Variants in FHIT observed in about 807,000 individuals in gnomAD.
FHIT encodes fragile histidine triad diadenosine triphosphatase.
Under a neutral mutation model 17.9 loss-of-function variants are expected in FHIT, and 19 were observed. That is an observed-to-expected ratio of 1.06 (90% CI 0.74 to 1.56). FHIT has a LOEUF of 1.56. Ranked by LOEUF, FHIT falls within the 40% of genes most tolerant of loss-of-function variation. The probability of loss-of-function intolerance (pLI) is 0.00; values close to 1 mark genes in which losing one functional copy is unlikely to be tolerated. For missense variants in FHIT, 248 were observed against 189.2 expected (o/e 1.31, Z -1.82); for synonymous variants, 81 against 69.7 (o/e 1.16, Z -0.81).
intron 2 of FHIT, among the ~76,000 whole-genome samples, chr3:61,153,425 G>A (rs1016242845): frequency 1.3e-5 from 2 of 152,054 alleles, no homozygotes; most frequent in Non-Finnish European, 2.9e-5. Context: ...AGAGTGTGTA[G>A]ACACTAAACA....
intron 8 of FHIT, among the ~76,000 whole-genome samples, chr3:59,873,342 T>C (rs1413206842): frequency 6.6e-6 from 1 of 152,202 alleles, no homozygotes; most frequent in Non-Finnish European, 1.5e-5. Flanking sequence ...CATCATTTAC[T>C]ATATGCCTGA....
intron 6 of FHIT, among the ~76,000 whole-genome samples, chr3:60,012,588 A>C (rs1700185496): frequency 6.6e-6 from 1 of 152,040 alleles, no homozygotes. Flanking sequence ...ATCTTAATAG[A>C]ATAAAAACTA....
intron 3 of FHIT, among the ~76,000 whole-genome samples, chr3:60,879,842 G>GA (rs1193352132): frequency 1.4e-5 from 2 of 145,370 alleles, no homozygotes; most frequent in Admixed American, 6.9e-5. Context: ...TAGCTAGAGA[G>GA]AAAAAAAAAT....
chr3:60,253,430 A>G (rs1310129286), intron 5 of FHIT, among the ~76,000 whole-genome samples: 1 of 152,216 alleles, frequency 6.6e-6, no homozygotes, highest in East Asian at 1.9e-4. Context: ...ATTCAGTGTG[A>G]TGATCAGTTG....
At chr3:60,732,994 T>G (rs564136858) in intron 4 of FHIT, among the ~76,000 whole-genome samples, 1 of 152,304 alleles carries the variant, frequency 6.6e-6, no homozygotes, top group East Asian at 1.9e-4. Context: ...CCTGATTGCA[T>G]ATGAAATGCA....
chr3:60,398,436 C>T (rs1056119456), intron 5 of FHIT, among the ~76,000 whole-genome samples: 38 of 152,174 alleles, frequency 2.5e-4, no homozygotes, highest in African/African-American at 8.4e-4. Flanking sequence ...AAGTAATAAT[C>T]GTGTGTGTAA....
At chr3:60,095,083 T>C (rs1166022686) in intron 5 of FHIT, among the ~76,000 whole-genome samples, 1 of 152,160 alleles carries the variant, frequency 6.6e-6, no homozygotes, top group Admixed American at 6.5e-5. Context: ...ATGGGCTTCA[T>C]TAGCTTAGCT....
At chr3:59,981,208 A>G (rs1043223743) in intron 7 of FHIT, among the ~76,000 whole-genome samples, 1 of 152,170 alleles carries the variant, frequency 6.6e-6, no homozygotes, top group African/African-American at 2.4e-5. Flanking sequence ...TTAGAAGAAT[A>G]CTATGCTTTA....
chr3:59,793,281 A>ATTTTCAGGCCAAATAATGAAGCAGCCTGT (rs1285209420), intron 8 of FHIT, among the ~76,000 whole-genome samples: 1 of 152,172 alleles, frequency 6.6e-6, no homozygotes, highest in Non-Finnish European at 1.5e-5. Flanking sequence ...CAGTAGGGAA[A>ATTTTCAGGCCAAATAATGAAGCAGCCTGT]TTTTCAGGCC....
At chr3:61,221,255 T>G (rs1276055901) in intron 1 of FHIT, among the ~76,000 whole-genome samples, 4 of 152,208 alleles carry the variant, frequency 2.6e-5, no homozygotes, top group Non-Finnish European at 5.9e-5. Context: ...TGCCCTAACA[T>G]GGCCCCAGTA....
chr3:60,057,878 G>A (rs1352634291), intron 5 of FHIT, among the ~76,000 whole-genome samples: 1 of 152,018 alleles, frequency 6.6e-6, no homozygotes, highest in Admixed American at 6.5e-5. Flanking sequence ...GTTTTGGTCA[G>A]GGAAATGGAT....
chr3:60,207,055 G>T (rs1198183546), intron 5 of FHIT, among the ~76,000 whole-genome samples: 1 of 151,958 alleles, frequency 6.6e-6, no homozygotes, highest in Non-Finnish European at 1.5e-5. Context: ...ATGGGATAAA[G>T]GAAAAACCAT....
Position 60,924,746 on chromosome 3 carries a change from G to A in FHIT, c.-110-102735C>T, listed in dbSNP as rs181124304. On this transcript the variant is annotated intron_variant, in intron 3 of 9. Transcript: ENST00000492590. The stretch of plus-strand genomic sequence containing the variant: ...GAGTTGAGAGAAGAAGGCTTCAGAC[G>A]ATCAAACTACTCCGACCTAAAGGAG... Among the ~76,000 whole-genome samples the A allele has an allele frequency of 1.9e-4, 29 of 151,928 alleles. No homozygotes were observed. In the East Asian group the frequency reaches 5.0e-3, roughly 26 times the overall value.
At chr3:60,468,699 A>C (rs1414480434) in intron 5 of FHIT, among the ~76,000 whole-genome samples, 1 of 152,132 alleles carries the variant, frequency 6.6e-6, no homozygotes, top group Admixed American at 6.6e-5. Flanking sequence ...TCCACTCAAG[A>C]TATGAGTAGT....
intron 5 of FHIT, among the ~76,000 whole-genome samples, chr3:60,402,131 C>T (rs1434079831): frequency 6.6e-6 from 1 of 152,134 alleles, no homozygotes; most frequent in Non-Finnish European, 1.5e-5. Flanking sequence ...TTGCATTCTA[C>T]TTAAAGAAGG....
At chr3:59,971,068 T>C (rs1000514506) in intron 7 of FHIT, among the ~76,000 whole-genome samples, 1 of 151,968 alleles carries the variant, frequency 6.6e-6, no homozygotes, top group African/African-American at 2.4e-5. Flanking sequence ...AACTCTGAAA[T>C]TGGGAATTAG....
In FHIT at chr3:60,461,889, A is replaced by T. The variant is rs182413917; in HGVS notation, c.103+74971T>A. 1.3e-3 allele frequency among the ~76,000 whole-genome samples: 191 copies of T among 152,274 alleles called. 1 individual carries two copies. The East Asian group carries it at 0.013, about 10-fold the overall frequency. On this transcript the variant is annotated intron_variant, in intron 5 of 9. Coordinates refer to ENST00000492590, the MANE Select transcript of FHIT (RefSeq NM_002012.4). ...TCCAAATAAGATTGAAATTGATTTTAAAAAAAGGGAACCCCCGCCCCCCTT... is the reference window on the plus strand; with the variant it reads ...TCCAAATAAGATTGAAATTGATTTTTAAAAAAGGGAACCCCCGCCCCCCTT...
At chr3:60,034,188 G>A (rs1701116330) in intron 5 of FHIT, among the ~76,000 whole-genome samples, 2 of 152,222 alleles carry the variant, frequency 1.3e-5, no homozygotes, top group African/African-American at 4.8e-5. Flanking sequence ...TGCTGCAGAA[G>A]AGGGTCAAGG....
chr3:60,129,528 T>C (rs1184819086), intron 5 of FHIT, among the ~76,000 whole-genome samples: 4 of 152,200 alleles, frequency 2.6e-5, no homozygotes, highest in Non-Finnish European at 5.9e-5. Flanking sequence ...ATGTTGATGT[T>C]CTGAATATCC....
Sources: allele counts gnomAD v4.1 joint callset (sites outside exome capture counted in the v4.1 genomes callset), GRCh38; gene constraint gnomAD v4.1.1; transcripts MANE v1.5; gene names NCBI Gene and HGNC (gene_info 2026-07-23, HGNC 2026-07-21).